Variants in PTPRT observed in about 807,000 individuals in gnomAD.
The protein encoded by PTPRT is receptor-type tyrosine-protein phosphatase T.
A neutral mutation model predicts 176.8 loss-of-function variants in PTPRT; 56 were observed. That is an observed-to-expected ratio of 0.32 (90% CI 0.26 to 0.40). The LOEUF is 0.40. Among genes scored for constraint, PTPRT ranks in the 10% least tolerant of loss-of-function variants. The pLI is 1.00. For synonymous variants in PTPRT, 783 were observed against 739.0 expected (o/e 1.06, Z -0.96); for missense variants, 1,540 against 1,908.2 (o/e 0.81, Z 3.60).
At chr20:42,897,203 G>T (rs2079317541) in intron 1 of PTPRT, among the ~76,000 whole-genome samples, 1 of 152,140 alleles carries the variant, frequency 6.6e-6, no homozygotes, top group Non-Finnish European at 1.5e-5. Flanking sequence ...ATAAAAAAAA[G>T]TTTTAAAGCT....
At chr20:42,544,510 ACT>A (rs1308015760) in intron 7 of PTPRT, among the ~76,000 whole-genome samples, 1 of 151,706 alleles carries the variant, frequency 6.6e-6, no homozygotes, top group Non-Finnish European at 1.5e-5. Flanking sequence ...GACCACTCAA[ACT>A]CTCTATGTAT....
chr20:43,188,750 G>GGT (rs1555845634), intron 1 of PTPRT, among the ~76,000 whole-genome samples: 343 of 10,578 alleles, frequency 0.032, 10 homozygotes, highest in African/African-American at 0.058. Flanking sequence ...CGCTACTCTT[G>GGT]GGGGGGGGGG....
chr20:42,861,168 C>T (rs1285760084), intron 2 of PTPRT, among the ~76,000 whole-genome samples: 1 of 152,204 alleles, frequency 6.6e-6, no homozygotes, highest in Non-Finnish European at 1.5e-5. Flanking sequence ...CAAGCAATCC[C>T]TTAACACTTT....
chr20:42,189,489 G>A (rs2146631752), intron 16 of PTPRT, among the ~76,000 whole-genome samples: 1 of 152,258 alleles, frequency 6.6e-6, no homozygotes, highest in East Asian at 1.9e-4. Context: ...AAAATGCTTG[G>A]CATAGAGTCG....
chr20:42,318,324 G>C (rs770037740), intron 11 of PTPRT, among the ~76,000 whole-genome samples: 7 of 152,176 alleles, frequency 4.6e-5, no homozygotes, highest in Non-Finnish European at 2.9e-5. Flanking sequence ...CCCAAACCTA[G>C]AGGTTGCAGG....
chr20:42,628,893 T>C (rs2074348527), intron 7 of PTPRT, among the ~76,000 whole-genome samples: 1 of 152,212 alleles, frequency 6.6e-6, no homozygotes, highest in African/African-American at 2.4e-5. Flanking sequence ...ATTTACTAAC[T>C]GGCCCTTAAC....
chr20:42,865,835 G>A (rs968229347), intron 2 of PTPRT, among the ~76,000 whole-genome samples: 9 of 152,090 alleles, frequency 5.9e-5, no homozygotes, highest in African/African-American at 1.2e-4. Context: ...GTGGAATGCC[G>A]GCTTATTCCT....
intron 7 of PTPRT, among the ~76,000 whole-genome samples, chr20:42,566,229 G>A (rs575617252): frequency 5.9e-5 from 9 of 152,102 alleles, no homozygotes; most frequent in African/African-American, 9.6e-5. Flanking sequence ...TCAACCTCTC[G>A]GGCTGAAGTG....
At chr20:42,812,177 C>T (rs1436175284) in intron 2 of PTPRT, among the ~76,000 whole-genome samples, 1 of 151,962 alleles carries the variant, frequency 6.6e-6, no homozygotes, top group Non-Finnish European at 1.5e-5. Flanking sequence ...TGGTATCTAG[C>T]ATTCTGTACC....
At chr20:42,648,009 C>A (rs2074945171) in intron 7 of PTPRT, among the ~76,000 whole-genome samples, 1 of 152,070 alleles carries the variant, frequency 6.6e-6, no homozygotes, top group African/African-American at 2.4e-5. Flanking sequence ...GAGATAGCAG[C>A]TTAGAAATGG....
At chr20:42,963,765 T>G (rs1477824872) in intron 1 of PTPRT, among the ~76,000 whole-genome samples, 6 of 152,312 alleles carry the variant, frequency 3.9e-5, no homozygotes, top group African/African-American at 1.2e-4. Flanking sequence ...TAAAATACTT[T>G]GTATTCTGAA....
rs77925287 is a variant in PTPRT at position 42,711,627 on chromosome 20, A to C, written c.860-33468T>G. The stretch of plus-strand genomic sequence containing the variant: ...GCCAAATAAACCTCTTTTCTTTATA[A>C]ATTTTTCATTCTCAGGTATTTCTTT... On this transcript the variant is annotated intron_variant, in intron 6 of 30. Coordinates refer to ENST00000373187, the MANE Select transcript of PTPRT (RefSeq NM_007050.6). 9.9e-3 allele frequency among the ~76,000 whole-genome samples: 1,500 copies of C among 152,196 alleles called. 28 individuals are homozygous for C. Among genetic ancestry groups the C allele is most frequent in the African/African-American group, 0.035 (1,444 of 41,510 alleles).
At chr20:42,854,516 A>C (rs997683968) in intron 2 of PTPRT, among the ~76,000 whole-genome samples, 1 of 152,212 alleles carries the variant, frequency 6.6e-6, no homozygotes, top group African/African-American at 2.4e-5. Flanking sequence ...AACTCTTCCT[A>C]ACACCACCTG....
the PTPRT span, among the ~76,000 whole-genome samples, chr20:42,033,195 A>G: frequency 2.0e-5 from 3 of 152,284 alleles, no homozygotes; most frequent in African/African-American, 7.2e-5. Context: ...GGGTTATCTG[A>G]GTGAGGAAAT....
chr20:42,643,375 C>G (rs1175680726), intron 7 of PTPRT, among the ~76,000 whole-genome samples: 1 of 152,042 alleles, frequency 6.6e-6, no homozygotes, highest in African/African-American at 2.4e-5. Flanking sequence ...GGCTGGAGTG[C>G]AGTGGTGCAA....
At chr20:42,621,437 C>T (rs1343895781) in intron 7 of PTPRT, among the ~76,000 whole-genome samples, 1 of 152,226 alleles carries the variant, frequency 6.6e-6, no homozygotes, top group African/African-American at 2.4e-5. Flanking sequence ...GTTATCTCCA[C>T]TTTTCTTGTC....
chr20:42,655,729 C>G (rs2075113828), intron 7 of PTPRT, among the ~76,000 whole-genome samples: 1 of 112,200 alleles, frequency 8.9e-6, no homozygotes, highest in Non-Finnish European at 2.2e-5. Flanking sequence ...CCAAATGACT[C>G]TCAGGTTTCT....
chr20:42,737,929 C>G (rs1331270548), intron 6 of PTPRT, among the ~76,000 whole-genome samples: 1 of 152,136 alleles, frequency 6.6e-6, no homozygotes, highest in Non-Finnish European at 1.5e-5. Context: ...CAGGACAGGG[C>G]CAGGAAGTAG....
At chr20:42,830,310 C>T (rs1329092461) in intron 2 of PTPRT, among the ~76,000 whole-genome samples, 2 of 152,178 alleles carry the variant, frequency 1.3e-5, no homozygotes, top group African/African-American at 2.4e-5. Context: ...AATCAATAAA[C>T]GTGATTCATC....
Sources: allele counts gnomAD v4.1 joint callset (sites outside exome capture counted in the v4.1 genomes callset), GRCh38; gene constraint gnomAD v4.1.1; transcripts MANE v1.5; gene names NCBI Gene and HGNC (gene_info 2026-07-23, HGNC 2026-07-21).